Variants in CPNE3 observed in about 807,000 individuals in gnomAD.
CPNE3 encodes copine-3.
A neutral mutation model predicts 63.9 loss-of-function variants in CPNE3; 68 were observed. The observed-to-expected ratio is 1.06, with a 90% CI of 0.87 to 1.30. The LOEUF is 1.30. CPNE3 is among the 50% of genes most tolerant of loss of function. The pLI, the probability that CPNE3 is intolerant of heterozygous loss-of-function variation, is 0.00. For missense variants in CPNE3, 665 were observed against 578.1 expected (o/e 1.15, Z -1.54); for synonymous variants, 219 against 197.5 (o/e 1.11, Z -0.91).
intron 6 of CPNE3, among the ~76,000 whole-genome samples, chr8:86,535,702 T>A (rs1462835383): frequency 6.6e-6 from 1 of 152,184 alleles, no homozygotes; most frequent in Non-Finnish European, 1.5e-5. Flanking sequence ...CAGGCACTTA[T>A]TTTATATTCA....
In CPNE3 at chr8:86,547,731, C is replaced by A; in HGVS notation, c.840C>A (p.Phe280Leu). 1.5e-6 allele frequency: 2 copies of A among 1,345,732 alleles called. No individual in the cohort carries two copies. Among genetic ancestry groups the A allele is most frequent in the Non-Finnish European group, 2.1e-6 (2 of 939,718 alleles). 83.4% of individuals were successfully genotyped at this position (1,345,732 alleles called of 1,614,324 possible). A position where few individuals can be genotyped will look rare whatever the true frequency, so the allele number is the denominator to read the frequency against. The change falls in exon 11 of 17, where the codon TTC becomes TTA. Residue 280 changes from phenylalanine to leucine, a missense_variant. Physicochemically the swap from Phe to Leu is conservative, Grantham distance 22. Coordinates refer to ENST00000517490, the MANE Select transcript of CPNE3 (RefSeq NM_003909.5). ...TTTAGATTACAGTAGAATGCACATT[C>A]CTTGACTATATAATGGGAGGATGTC... ...KQCEITVECT[F>L]LDYIMGGCQL...
intron 4 of CPNE3, among the ~76,000 whole-genome samples, chr8:86,530,925 C>T (rs1820667333): frequency 6.6e-6 from 1 of 151,972 alleles, no homozygotes; most frequent in South Asian, 2.1e-4. Context: ...CTCCTGACCT[C>T]AGGTAATCTG....
intron 15 of CPNE3, 51 bp from the exon 16 acceptor site, chr8:86,556,051 C>T (rs762077180): frequency 9.5e-6 from 8 of 842,008 alleles, no homozygotes; most frequent in Admixed American, 8.5e-5. Flanking sequence ...CCAGAGATGC[C>T]ATTAGCCATT....
In CPNE3 at chr8:86,558,337, A is replaced by T. The variant is rs1821366651; in HGVS notation, c.1541A>T (p.Gln514Leu). Residue 514 changes from glutamine (Q) to leucine (L), a missense_variant, in exon 17 of 17, where the codon CAG becomes CTG. Physicochemically the swap from Gln to Leu is moderately radical, Grantham distance 113 (BLOSUM62 -2). Coordinates refer to ENST00000517490, the MANE Select transcript of CPNE3 (RefSeq NM_003909.5). ...TGTGTCTTGGCAGAGATTCCCCAGC[A>T]GGTGGTGGGCTACTTCAATACATAC... ...AQCVLAEIPQ[Q>L]VVGYFNTYKL... 1 of 872,894 alleles carries T rather than the reference A, an allele frequency of 1.1e-6. No homozygotes were observed. The highest frequency in any genetic ancestry group is 1.7e-5 in the Admixed American group (1 of 59,178). The allele number at this position is 872,894 out of a possible 1,614,324, so 54.1% of individuals were successfully genotyped here.
At chr8:86,537,936 CTCTG>C (rs1159150657) in intron 7 of CPNE3, among the ~76,000 whole-genome samples, 1 of 151,622 alleles carries the variant, frequency 6.6e-6, no homozygotes, top group Non-Finnish European at 1.5e-5. Context: ...TACTTGTGCT[CTCTG>C]TCTTTCTCTA....
At chr8:86,539,917 G>T (rs781632419) in intron 7 of CPNE3, among the ~76,000 whole-genome samples, 3 of 151,852 alleles carry the variant, frequency 2.0e-5, no homozygotes, top group African/African-American at 7.3e-5. Flanking sequence ...TGCCCGTCTC[G>T]GCCTCCCAAA....
intron 4 of CPNE3, among the ~76,000 whole-genome samples, chr8:86,530,399 G>A (rs543675929): frequency 2.6e-4 from 39 of 151,986 alleles, no homozygotes; most frequent in Non-Finnish European, 4.6e-4. Flanking sequence ...TGAACTTGTG[G>A]GCTCAAGCAA....
Position 86,537,655 on chromosome 8 carries a change from T to A in CPNE3, c.543+9T>A. ...TGGTTCATCGGACAGAGGTGAATAT[T>A]TGAATTTGAAAAGCAGAGTGGAGGT... is the stretch of plus-strand genomic sequence containing the variant. On this transcript the variant is annotated intron_variant, in intron 7 of 16. Coordinates refer to ENST00000517490, the MANE Select transcript of CPNE3 (RefSeq NM_003909.5). The A allele has an allele frequency of 6.6e-7, 1 of 1,526,494 alleles. No homozygotes were observed. The highest frequency in any genetic ancestry group is 1.1e-5 in the South Asian group (1 of 89,240). 94.6% of individuals were successfully genotyped at this position (1,526,494 alleles called of 1,614,324 possible). A position where few individuals can be genotyped will look rare whatever the true frequency, so the allele number is the denominator to read the frequency against.
chr8:86,517,148 A>G (rs1231308985), intron 2 of CPNE3, among the ~76,000 whole-genome samples: 7 of 151,790 alleles, frequency 4.6e-5, no homozygotes, highest in Non-Finnish European at 1.0e-4. Context: ...TTTTTTGGAG[A>G]GACTATTTAT....
At chr8:86,542,791 G>GCTTTTTCT (rs1820971359) in intron 8 of CPNE3, among the ~76,000 whole-genome samples, 1 of 151,880 alleles carries the variant, frequency 6.6e-6, no homozygotes, top group African/African-American at 2.4e-5. Context: ...CCTTCAAGGG[G>GCTTTTTCT]ACAAGAGGGA....
chr8:86,518,858 C>T (rs971633133), intron 2 of CPNE3, among the ~76,000 whole-genome samples: 2 of 151,998 alleles, frequency 1.3e-5, no homozygotes, highest in Non-Finnish European at 2.9e-5. Context: ...CTGCAACCTC[C>T]ACCTCCCAGG....
chr8:86,559,385 G>A lies in CPNE3; in HGVS notation c.*975G>A, dbSNP rs994532584. 5.9e-5 allele frequency: 9 copies of A among 151,920 alleles called. No homozygotes were observed. Among genetic ancestry groups the A allele is most frequent in the Non-Finnish European group, 1.0e-4 (7 of 67,976 alleles). 9.4% of individuals were successfully genotyped at this position (151,920 alleles called of 1,614,324 possible). A position where few individuals can be genotyped will look rare whatever the true frequency, so the allele number is the denominator to read the frequency against. On this transcript the variant is annotated 3_prime_UTR_variant, in exon 17 of 17. Transcript: ENST00000517490. ...AAAAATTTTATACTTTCCTTGCTAAGGTCCCATATATTGATTTGTACAGAT... is the reference window on the plus strand; with the variant it reads ...AAAAATTTTATACTTTCCTTGCTAAAGTCCCATATATTGATTTGTACAGAT...
rs532383637 is a variant in CPNE3 at position 86,560,535 on chromosome 8, T to C, written c.*2125T>C. 5 of 152,274 alleles carry C rather than the reference T, an allele frequency of 3.3e-5. No individual in the cohort carries two copies. In the South Asian group the frequency reaches 1.0e-3, roughly 32 times the overall value. 9.4% of individuals were successfully genotyped at this position (152,274 alleles called of 1,614,324 possible). A position where few individuals can be genotyped will look rare whatever the true frequency, so the allele number is the denominator to read the frequency against. ...CAAATAACAGGTAATCACTGTCAAT[T>C]GGATTTGGTCTTCATTATTTTATAT... On this transcript the variant is annotated 3_prime_UTR_variant, in exon 17 of 17. Transcript: ENST00000517490.
intron 16 of CPNE3, among the ~76,000 whole-genome samples, chr8:86,556,781 CT>C (rs1183226559): frequency 6.6e-6 from 1 of 152,210 alleles, no homozygotes; most frequent in Non-Finnish European, 1.5e-5. Context: ...AAGGATCCCC[CT>C]GGTTGCCCTT....
Position 86,528,613 on chromosome 8 carries a change from T to A in CPNE3, c.68T>A (p.Ile23Lys). 6.2e-7 allele frequency: 1 copy of A among 1,614,132 alleles called. No individual in the cohort carries two copies. Among genetic ancestry groups the A allele is most frequent in the Non-Finnish European group, 8.5e-7 (1 of 1,179,982 alleles). ...VSCANLLDKDIGSKSDPLCVL... is the reference protein window; with the variant it reads ...VSCANLLDKDKGSKSDPLCVL... ...TGTGCCAATCTTTTGGATAAAGATATAGGGTCAAAGTCAGACCCTTTATGT... is the reference window on the plus strand; with the variant it reads ...TGTGCCAATCTTTTGGATAAAGATAAAGGGTCAAAGTCAGACCCTTTATGT... Residue 23 changes from isoleucine (I) to lysine (K), a missense_variant, in exon 3 of 17, where the codon ATA (isoleucine) becomes AAA (lysine). By Grantham distance (102) the Ile-to-Lys change is moderately radical (BLOSUM62 -3). Transcript: ENST00000517490.
At chr8:86,540,384 C>T in intron 8 of CPNE3, 50 bp downstream of exon 8, 1 of 867,192 alleles carries the variant, frequency 1.2e-6, no homozygotes, top group Non-Finnish European at 1.6e-6. Flanking sequence ...CCCATGTTCA[C>T]CTATTTTATA....
At chr8:86,548,801 AT>A (rs1821110325) in intron 12 of CPNE3, among the ~76,000 whole-genome samples, 1 of 152,098 alleles carries the variant, frequency 6.6e-6, no homozygotes, top group Non-Finnish European at 1.5e-5. Context: ...TGTTTTATAA[AT>A]ACTGTTTATA....
In CPNE3 at chr8:86,551,517, T is replaced by C. The variant is rs79040801; in HGVS notation, c.1120+283T>C. The stretch of plus-strand genomic sequence containing the variant: ...TAAGAACTTTAATAGGACAAAAACA[T>C]TCTCAATCTTTGGAGTAGATCAGTA... On this transcript the variant is annotated intron_variant, in intron 14 of 16. Coordinates refer to ENST00000517490, the MANE Select transcript of CPNE3 (RefSeq NM_003909.5). 9.7e-3 allele frequency: 2,890 copies of C among 299,250 alleles called. 68 individuals carry two copies. Among genetic ancestry groups the C allele is most frequent in the African/African-American group, 0.057 (2,651 of 46,450 alleles). The allele number at this position is 299,250 out of a possible 1,614,324, so 18.5% of individuals were successfully genotyped here. A position where few individuals can be genotyped will look rare whatever the true frequency, so the allele number is the denominator to read the frequency against.
intron 11 of CPNE3, 32 bp from the exon 12 acceptor site, chr8:86,548,269 C>A: frequency 6.2e-7 from 1 of 1,611,322 alleles, no homozygotes; most frequent in Non-Finnish European, 8.5e-7. Context: ...CCTGCCTTCT[C>A]CTTACTAAGG....
Sources: gnomAD v4.1 joint callset for allele counts (sites outside exome capture counted in the v4.1 genomes callset) on GRCh38, gnomAD v4.1.1 for gene constraint, MANE v1.5 for transcripts, NCBI Gene and HGNC (gene_info 2026-07-23, HGNC 2026-07-21) for gene names.